The following TMEM192 variants were observed in gnomAD, a reference collection of about 807,000 sequenced individuals.
The protein encoded by TMEM192 is transmembrane protein 192.
In TMEM192, 20 loss-of-function variants were observed where a neutral mutation model predicts 26.7. The ratio of observed to expected loss-of-function variants is 0.75; its 90% CI spans 0.53 to 1.09. TMEM192 has a LOEUF of 1.09. Among genes scored for constraint, TMEM192 ranks in the 50% least tolerant of loss-of-function variants. The probability of loss-of-function intolerance (pLI) is 0.00; values close to 1 mark genes in which losing one functional copy is unlikely to be tolerated. For missense variants in TMEM192, 304 were observed against 322.6 expected, an observed-to-expected ratio of 0.94 and a Z score of 0.44; for synonymous variants, 124 against 121.0, an observed-to-expected ratio of 1.02 and a Z score of -0.16.
At chr4:165,095,799 G>A (rs1219815694) in intron 3 of TMEM192, among the ~76,000 whole-genome samples, 1 of 151,742 alleles carries the variant, frequency 6.6e-6, no homozygotes, top group Non-Finnish European at 1.5e-5. Context: ...TTTAAAAATG[G>A]AGTCTCACTC....
chr4:165,080,670 C>T (rs901662547), intron 5 of TMEM192, among the ~76,000 whole-genome samples: 3 of 152,080 alleles, frequency 2.0e-5, no homozygotes, highest in Non-Finnish European at 4.4e-5. Context: ...AATAGTTATG[C>T]TTATAAATAA....
At chr4:165,110,252 A>G (rs1375436552) in intron 1 of TMEM192, among the ~76,000 whole-genome samples, 1 of 152,158 alleles carries the variant, frequency 6.6e-6, no homozygotes, top group African/African-American at 2.4e-5. Context: ...CCCACATGGT[A>G]TCTCTTCTCT....
At chr4:165,104,572 C>T (rs137886864) in intron 1 of TMEM192, among the ~76,000 whole-genome samples, 15 of 152,144 alleles carry the variant, frequency 9.9e-5, no homozygotes, top group South Asian at 4.2e-4. Context: ...GCTCTGTCGC[C>T]GAGGCTGGAG....
At chr4:165,085,156 C>T (rs754328625) in intron 5 of TMEM192, among the ~76,000 whole-genome samples, 1 of 151,914 alleles carries the variant, frequency 6.6e-6, no homozygotes, top group Non-Finnish European at 1.5e-5. Context: ...TGCCTGTAAT[C>T]CCAGCTACTG....
chr4:165,106,809 C>T (rs1735170969), intron 1 of TMEM192, among the ~76,000 whole-genome samples: 2 of 152,170 alleles, frequency 1.3e-5, no homozygotes. Flanking sequence ...TTCCCTTTCC[C>T]CAGCTTGCAG....
In TMEM192 at chr4:165,079,342, A is replaced by G; in HGVS notation, c.*316T>C. The G allele has an allele frequency of 4.1e-6, 1 of 242,482 alleles. No homozygotes were observed. Among genetic ancestry groups the G allele is most frequent in the Non-Finnish European group, 7.8e-6 (1 of 127,466 alleles). 15.0% of individuals were successfully genotyped at this position (242,482 alleles called of 1,614,324 possible). On this transcript the variant is annotated 3_prime_UTR_variant, in exon 6 of 6. Coordinates refer to ENST00000306480, the MANE Select transcript of TMEM192 (RefSeq NM_001100389.2). Reference sequence around the variant, plus strand: ...ATAATGAAATCATTACAGGGTTCTAATGTCAGGTGGAAAAGTGTTGACTAT... The same window carrying G: ...ATAATGAAATCATTACAGGGTTCTAGTGTCAGGTGGAAAAGTGTTGACTAT...
intron 1 of TMEM192, among the ~76,000 whole-genome samples, chr4:165,103,755 C>T (rs1260844726): frequency 2.0e-5 from 3 of 152,188 alleles, no homozygotes; most frequent in Non-Finnish European, 4.4e-5. Flanking sequence ...CTCCTGACCT[C>T]AGGTGATCCG....
At chr4:165,107,589 C>CCT (rs1735193903) in intron 1 of TMEM192, among the ~76,000 whole-genome samples, 2 of 152,214 alleles carry the variant, frequency 1.3e-5, no homozygotes, top group South Asian at 2.1e-4. Context: ...AGCAATCCAC[C>CCT]CACCTTGGCC....
At chr4:165,098,570 C>T (rs1043457798) in intron 3 of TMEM192, among the ~76,000 whole-genome samples, 8 of 152,018 alleles carry the variant, frequency 5.3e-5, no homozygotes, top group Non-Finnish European at 7.4e-5. Context: ...CCTTGGCCTC[C>T]CAAAGCTCTG....
At chr4:165,103,586 C>T (rs1339587575) in intron 1 of TMEM192, among the ~76,000 whole-genome samples, 6 of 144,756 alleles carry the variant, frequency 4.1e-5, no homozygotes, top group African/African-American at 1.5e-4. Flanking sequence ...ACAACCTTGG[C>T]TCGCCGAAAC....
chr4:165,084,008 G>A (rs1734549733), intron 5 of TMEM192, among the ~76,000 whole-genome samples: 1 of 151,918 alleles, frequency 6.6e-6, no homozygotes, highest in African/African-American at 2.4e-5. Flanking sequence ...ATTTAGTAGA[G>A]ATGGGGTTTC....
chr4:165,079,719 A>G lies in TMEM192; in HGVS notation c.755T>C (p.Leu252Pro), dbSNP rs774914155. The change falls in exon 6 of 6, where the codon CTG becomes CCG. Residue 252 changes from leucine (L) to proline (P), a missense_variant. Leu to Pro is a moderately conservative substitution (Grantham distance 98). Coordinates refer to ENST00000306480, the MANE Select transcript of TMEM192 (RefSeq NM_001100389.2). ...IEYLKRHNAL[L>P]SKRLLALTSS... Reference sequence around the variant, plus strand: ...AGTGAGAGCCAACAATCGCTTACTCAGCAGCGCATTGTGTCGCTTCAGGTA... The same window carrying G: ...AGTGAGAGCCAACAATCGCTTACTCGGCAGCGCATTGTGTCGCTTCAGGTA... 6.2e-7 allele frequency: 1 copy of G among 1,614,092 alleles called. No individual in the cohort carries two copies. The highest frequency in any genetic ancestry group is 8.5e-7 in the Non-Finnish European group (1 of 1,179,980).
chr4:165,080,775 C>T (rs1285926391), intron 5 of TMEM192, among the ~76,000 whole-genome samples: 5 of 151,976 alleles, frequency 3.3e-5, no homozygotes, highest in Admixed American at 3.3e-4. Context: ...AGTGCAGTGG[C>T]ATGATCTCTG....
chr4:165,109,233 T>C (rs554700809), intron 1 of TMEM192, among the ~76,000 whole-genome samples: 65 of 152,356 alleles, frequency 4.3e-4, no homozygotes, highest in African/African-American at 1.4e-3. Flanking sequence ...GACTCTTTTA[T>C]ATTATGTCCT....
At chr4:165,093,812 TC>T (rs1037219396) in intron 3 of TMEM192, among the ~76,000 whole-genome samples, 1 of 152,102 alleles carries the variant, frequency 6.6e-6, no homozygotes, top group African/African-American at 2.4e-5. Context: ...AACCTCTGCC[TC>T]CCCAGTTCAA....
chr4:165,107,071 C>G (rs190387159), intron 1 of TMEM192, among the ~76,000 whole-genome samples: 1 of 151,646 alleles, frequency 6.6e-6, no homozygotes, highest in Admixed American at 6.6e-5. Flanking sequence ...GTCCCCCAGG[C>G]TGGAGTGCAA....
intron 1 of TMEM192, 32 bp downstream of exon 1, chr4:165,112,715 G>C: frequency 6.2e-7 from 1 of 1,608,250 alleles, no homozygotes; most frequent in African/African-American, 1.3e-5. Flanking sequence ...GCGGATTCCG[G>C]GGCCAACCGC....
At chr4:165,080,863 TGCCACCATGCCCA>T (rs1734503430) in intron 5 of TMEM192, among the ~76,000 whole-genome samples, 1 of 151,876 alleles carries the variant, frequency 6.6e-6, no homozygotes, top group South Asian at 2.1e-4. Flanking sequence ...TACAGGCGCC[TGCCACCATGCCCA>T]GCTAATTTTT....
At chr4:165,109,761 C>T (rs1039247582) in intron 1 of TMEM192, among the ~76,000 whole-genome samples, 12 of 152,214 alleles carry the variant, frequency 7.9e-5, no homozygotes, top group Non-Finnish European at 1.3e-4. Flanking sequence ...GCACCTTCTT[C>T]TCTCGCCTAA....
Sources: gnomAD v4.1 joint callset for allele counts (sites outside exome capture counted in the v4.1 genomes callset) on GRCh38, gnomAD v4.1.1 for gene constraint, MANE v1.5 for transcripts, NCBI Gene and HGNC (gene_info 2026-07-23, HGNC 2026-07-21) for gene names.